The following DEPTOR variants were observed in gnomAD, a reference collection of about 807,000 sequenced individuals.
The protein encoded by DEPTOR is DEP domain containing MTOR interacting protein, also known as DEP domain-containing mTOR-interacting protein.
Under a neutral mutation model 41.6 loss-of-function variants are expected in DEPTOR, and 41 were observed. That is an observed-to-expected ratio of 0.98 (90% CI 0.77 to 1.28). The LOEUF (loss-of-function observed/expected upper bound fraction) is 1.28. Among genes scored for constraint, DEPTOR ranks in the 50% most tolerant of loss-of-function variants. The pLI is 0.00. For synonymous variants in DEPTOR, 195 were observed against 192.3 expected (o/e 1.01, Z -0.12); for missense variants, 514 against 527.9 (o/e 0.97, Z 0.26).
intron 8 of DEPTOR, among the ~76,000 whole-genome samples, chr8:120,037,639 C>T (rs1260786667): frequency 6.6e-6 from 1 of 152,152 alleles, no homozygotes; most frequent in East Asian, 1.9e-4. Context: ...CTTATTATTA[C>T]GTCCTAATGT....
At chr8:119,887,227 T>C (rs1229580980) in intron 1 of DEPTOR, among the ~76,000 whole-genome samples, 1 of 136,248 alleles carries the variant, frequency 7.3e-6, no homozygotes, top group Non-Finnish European at 1.6e-5. Flanking sequence ...GGGCTGGGGT[T>C]CAGTGGCATA....
At chr8:119,946,247 A>T (rs1372867039) in intron 3 of DEPTOR, among the ~76,000 whole-genome samples, 27 of 152,218 alleles carry the variant, frequency 1.8e-4, no homozygotes, top group Non-Finnish European at 1.2e-4. Context: ...GTTTCAGTCC[A>T]GAAAGAAAGA....
chr8:119,971,864 C>T (rs1299130548), intron 4 of DEPTOR, among the ~76,000 whole-genome samples: 1 of 152,184 alleles, frequency 6.6e-6, no homozygotes, highest in Non-Finnish European at 1.5e-5. Flanking sequence ...CAGCCACAAC[C>T]AGCAACATTG....
chr8:120,008,448 G>A (rs546761827), intron 7 of DEPTOR, among the ~76,000 whole-genome samples: 1 of 147,994 alleles, frequency 6.8e-6, no homozygotes, highest in Non-Finnish European at 1.5e-5. Context: ...AGAATCGCTT[G>A]AACCCGGGAG....
chr8:119,926,029 T>C (rs1827959564), intron 1 of DEPTOR, among the ~76,000 whole-genome samples: 1 of 152,250 alleles, frequency 6.6e-6, no homozygotes, highest in Non-Finnish European at 1.5e-5. Flanking sequence ...TTGATTAGGA[T>C]GCCAATTAAA....
intron 3 of DEPTOR, among the ~76,000 whole-genome samples, chr8:119,959,158 C>CTTTTTTTTTTT (rs60202859): frequency 1.7e-4 from 20 of 114,868 alleles, no homozygotes; most frequent in Non-Finnish European, 2.7e-4. Flanking sequence ...TTCTTTCTTT[C>CTTTTTTTTTTT]TTTTTTTTTT....
chr8:120,029,698 G>T (rs1314085506), intron 8 of DEPTOR, among the ~76,000 whole-genome samples: 3 of 152,062 alleles, frequency 2.0e-5, no homozygotes, highest in Admixed American at 1.3e-4. Context: ...ACCCAGCCAA[G>T]TTTTAAAATA....
intron 4 of DEPTOR, among the ~76,000 whole-genome samples, chr8:119,985,958 C>A (rs887519652): frequency 1.3e-5 from 2 of 148,606 alleles, no homozygotes; most frequent in Non-Finnish European, 3.0e-5. Flanking sequence ...TACAGCACAC[C>A]GATGGGTTTT....
intron 1 of DEPTOR, among the ~76,000 whole-genome samples, chr8:119,895,690 G>A (rs948090232): frequency 2.6e-5 from 4 of 152,170 alleles, no homozygotes; most frequent in Admixed American, 2.6e-4. Flanking sequence ...AGCAGATCAA[G>A]CTGAGCCTCT....
intron 8 of DEPTOR, among the ~76,000 whole-genome samples, chr8:120,026,224 G>C (rs147037465): frequency 6.6e-6 from 1 of 151,826 alleles, no homozygotes; most frequent in Non-Finnish European, 1.5e-5. Context: ...AGTAGATTTC[G>C]TGGATTGCTG....
At chr8:120,001,215 G>A (rs979829802) in intron 4 of DEPTOR, among the ~76,000 whole-genome samples, 43 of 152,178 alleles carry the variant, frequency 2.8e-4, no homozygotes, top group Non-Finnish European at 1.3e-4. Context: ...CAGACAGTGA[G>A]GGTGCAGTGT....
chr8:120,018,299 C>T (rs758996372), intron 8 of DEPTOR, among the ~76,000 whole-genome samples: 14 of 152,096 alleles, frequency 9.2e-5, no homozygotes, highest in Non-Finnish European at 1.0e-4. Flanking sequence ...TAGTTATAAC[C>T]GGGCGTGGTG....
chr8:120,025,769 C>T (rs545090178), intron 8 of DEPTOR, among the ~76,000 whole-genome samples: 9 of 151,970 alleles, frequency 5.9e-5, no homozygotes, highest in Non-Finnish European at 1.0e-4. Context: ...GGTCCCCTTT[C>T]GTCTGCTCTT....
chr8:120,024,785 CA>C (rs1261745775), intron 8 of DEPTOR, among the ~76,000 whole-genome samples: 4 of 151,200 alleles, frequency 2.6e-5, no homozygotes, highest in Non-Finnish European at 4.4e-5. Flanking sequence ...GAATGTGAGA[CA>C]AAAAAAAATT....
In DEPTOR at chr8:119,950,386, CATT is replaced by C. The variant is rs1370334205; in HGVS notation, c.426-14845_426-14843del. Among the ~76,000 whole-genome samples, 12 of 152,102 alleles carry C rather than the reference CATT, an allele frequency of 7.9e-5. No homozygotes were observed. In the South Asian group the frequency reaches 2.3e-3, roughly 29 times the overall value. On this transcript the variant is annotated intron_variant, in intron 3 of 8. Coordinates refer to ENST00000286234, the MANE Select transcript of DEPTOR (RefSeq NM_022783.4). ...CTGATCATTGTGTTCAATATTTTAT[CATT>C]GTTTCTTTTTTTAAATTTAAATTTA... is the stretch of plus-strand genomic sequence containing the variant.
At chr8:119,948,849 G>A (rs532273465) in intron 3 of DEPTOR, among the ~76,000 whole-genome samples, 52 of 151,790 alleles carry the variant, frequency 3.4e-4, no homozygotes, top group South Asian at 8.3e-4. Context: ...GTGCAATGGC[G>A]TGATCTCAGT....
intron 1 of DEPTOR, among the ~76,000 whole-genome samples, chr8:119,914,640 A>T (rs959831079): frequency 6.6e-6 from 1 of 151,988 alleles, no homozygotes. Flanking sequence ...GGGTTTCACC[A>T]TGTTGGCCAG....
At chr8:119,972,478 C>A (rs1230387960) in intron 4 of DEPTOR, among the ~76,000 whole-genome samples, 1 of 151,920 alleles carries the variant, frequency 6.6e-6, no homozygotes, top group Non-Finnish European at 1.5e-5. Flanking sequence ...CAAAAATTAG[C>A]CAGGTGTGGT....
At chr8:119,912,883 A>G (rs1827762489) in intron 1 of DEPTOR, among the ~76,000 whole-genome samples, 1 of 152,144 alleles carries the variant, frequency 6.6e-6, no homozygotes, top group Admixed American at 6.6e-5. Context: ...AAAATAATAA[A>G]AAGGATCAGA....
Sources: gnomAD v4.1 joint callset for allele counts (sites outside exome capture counted in the v4.1 genomes callset) on GRCh38, gnomAD v4.1.1 for gene constraint, MANE v1.5 for transcripts, NCBI Gene and HGNC (gene_info 2026-07-23, HGNC 2026-07-21) for gene names.